DLG2: variants seen among roughly 807,000 people sequenced by gnomAD.
DLG2 encodes discs large MAGUK scaffold protein 2.
In DLG2, 45 loss-of-function variants were observed where a neutral mutation model predicts 132.5. The ratio of observed to expected loss-of-function variants is 0.34; its 90% confidence interval spans 0.27 to 0.44. DLG2 has a LOEUF of 0.44. Among genes scored for constraint, DLG2 ranks in the 20% least tolerant of loss-of-function variants. The pLI is 1.00. For missense variants in DLG2, 1,045 were observed against 1,196.9 expected, an observed-to-expected ratio of 0.87 and a Z score of 1.87; for synonymous variants, 424 against 419.6, an observed-to-expected ratio of 1.01 and a Z score of -0.13.
At chr11:84,506,079 C>CTTTTTTTTTTTTTTTTTT (rs779039240) in intron 7 of DLG2, among the ~76,000 whole-genome samples, 2,689 of 106,652 alleles carry the variant, frequency 0.025, 429 homozygotes, top group African/African-American at 0.044. Flanking sequence ...AGGCTCAGTT[C>CTTTTTTTTTTTTTTTTTT]TTTTTTTTTT....
At chr11:83,491,135 G>GT (rs569211813) in intron 21 of DLG2, among the ~76,000 whole-genome samples, 1 of 144,658 alleles carries the variant, frequency 6.9e-6, no homozygotes, top group African/African-American at 2.6e-5. Context: ...CCTTTTTATA[G>GT]TTTTTTTTCT....
intron 3 of DLG2, among the ~76,000 whole-genome samples, chr11:85,550,299 T>C (rs558943031): frequency 6.6e-6 from 1 of 152,356 alleles, no homozygotes; most frequent in East Asian, 1.9e-4. Context: ...CCATAGTGGA[T>C]GGCAGAGCTA....
At chr11:84,402,727 A>G (rs555326729) in intron 7 of DLG2, among the ~76,000 whole-genome samples, 2 of 151,882 alleles carry the variant, frequency 1.3e-5, no homozygotes, top group Non-Finnish European at 2.9e-5. Context: ...CTAAAAATAC[A>G]AGAAATTAGC....
chr11:84,788,100 C>CAA (rs139086655), intron 6 of DLG2, among the ~76,000 whole-genome samples: 17,108 of 45,832 alleles, frequency 0.37, 3,975 homozygotes, highest in Non-Finnish European at 0.4. Context: ...GAATATGTCT[C>CAA]AAAAAAAAAA....
At chr11:84,517,953 C>T (rs1187839327) in intron 7 of DLG2, among the ~76,000 whole-genome samples, 3 of 151,766 alleles carry the variant, frequency 2.0e-5, no homozygotes. Flanking sequence ...AAAATTTGAT[C>T]TCATAGAAGT....
At chr11:85,200,697 A>G (rs1009533736) in intron 4 of DLG2, among the ~76,000 whole-genome samples, 1 of 152,120 alleles carries the variant, frequency 6.6e-6, no homozygotes, top group Non-Finnish European at 1.5e-5. Flanking sequence ...TCAGGAAACT[A>G]TCTTTGCAGA....
chr11:83,819,642 T>C (rs1307471673), intron 17 of DLG2, among the ~76,000 whole-genome samples: 4 of 152,090 alleles, frequency 2.6e-5, no homozygotes, highest in Admixed American at 1.3e-4. Flanking sequence ...ACCTGAGAGA[T>C]ATAGGCAATA....
At chr11:83,472,624 T>G (rs2092190038) in intron 23 of DLG2, 103 bp downstream of exon 23, 1 of 988,620 alleles carries the variant, frequency 1.0e-6, no homozygotes, top group Non-Finnish European at 1.6e-6. Context: ...AACAGAGCAT[T>G]AAGCCGAGTT....
chr11:84,605,891 C>A (rs2099584722), intron 6 of DLG2, among the ~76,000 whole-genome samples: 1 of 152,116 alleles, frequency 6.6e-6, no homozygotes, highest in African/African-American at 2.4e-5. Flanking sequence ...GAATTTACAA[C>A]CCCATCATTC....
intron 8 of DLG2, among the ~76,000 whole-genome samples, chr11:84,227,913 CAAAAAAAAA>C (rs59917539): frequency 2.7e-5 from 2 of 74,360 alleles, no homozygotes; most frequent in Admixed American, 2.7e-4. Context: ...GACTCCATCT[CAAAAAAAAA>C]AAAAAAAAAA....
chr11:84,982,933 T>C (rs1002546187), intron 6 of DLG2, among the ~76,000 whole-genome samples: 1 of 152,176 alleles, frequency 6.6e-6, no homozygotes, highest in East Asian at 1.9e-4. Flanking sequence ...ACCTCTTCAA[T>C]GAAGAAATCT....
At chr11:85,352,942 C>T (rs1183160979) in intron 3 of DLG2, among the ~76,000 whole-genome samples, 1 of 152,136 alleles carries the variant, frequency 6.6e-6, no homozygotes, top group Admixed American at 6.6e-5. Context: ...GACTTCATGT[C>T]TAAAACACCA....
intron 12 of DLG2, among the ~76,000 whole-genome samples, chr11:83,971,422 G>T (rs2091313800): frequency 1.3e-5 from 2 of 152,204 alleles, no homozygotes; most frequent in African/African-American, 4.8e-5. Flanking sequence ...GGTGCCAGGA[G>T]ACTTGCAAGG....
At chr11:85,112,146 TATA>T (rs1297347408) in intron 5 of DLG2, among the ~76,000 whole-genome samples, 1 of 152,118 alleles carries the variant, frequency 6.6e-6, no homozygotes, top group Non-Finnish European at 1.5e-5. Flanking sequence ...GTTTCCAGAC[TATA>T]AGCTAGTGAT....
intron 3 of DLG2, among the ~76,000 whole-genome samples, chr11:85,460,299 C>A (rs2092564730): frequency 6.6e-6 from 1 of 152,198 alleles, no homozygotes; most frequent in South Asian, 2.1e-4. Flanking sequence ...TCCATGTGTG[C>A]CTGGGCAGCA....
chr11:84,807,532 G>T (rs915846593), intron 6 of DLG2, among the ~76,000 whole-genome samples: 2 of 152,036 alleles, frequency 1.3e-5, no homozygotes, highest in South Asian at 2.1e-4. Context: ...AAATGTAAAT[G>T]ATCTAACTTT....
chr11:83,772,188 G>A lies in DLG2; in HGVS notation c.1825+14502C>T, dbSNP rs576025035. Among the ~76,000 whole-genome samples the A allele has an allele frequency of 3.3e-5, 5 of 152,088 alleles. No homozygotes were observed. In the East Asian group the frequency reaches 5.8e-4, roughly 18 times the overall value. On this transcript the variant is annotated intron_variant, in intron 18 of 27. Transcript: ENST00000376104. ...TTTGGGAGGCTGAGGCAGGCAGATC[G>A]CTTGAGCTCAGGAGTTTGAGGCCAG...
intron 6 of DLG2, among the ~76,000 whole-genome samples, chr11:84,548,007 A>G (rs191622644): frequency 6.6e-6 from 1 of 152,336 alleles, no homozygotes; most frequent in African/African-American, 2.4e-5. Context: ...ATAAAATCAA[A>G]AATTGGTTTA....
rs117559000 is a variant in DLG2 at position 83,960,292 on chromosome 11, T to C, written c.1340+2593A>G. Among the ~76,000 whole-genome samples, 203 of 152,206 alleles carry C rather than the reference T, an allele frequency of 1.3e-3. 1 individual carries two copies. In the East Asian group the frequency reaches 0.035, roughly 26 times the overall value. ...TTTAGCAGTATTTCCTAAGTGTCTCTTGTGGTGTTAGGGAACTCTGCTAGT... is the reference window on the plus strand; with the variant it reads ...TTTAGCAGTATTTCCTAAGTGTCTCCTGTGGTGTTAGGGAACTCTGCTAGT... On this transcript the variant is annotated intron_variant, in intron 14 of 27. Coordinates refer to ENST00000376104, the MANE Select transcript of DLG2 (RefSeq NM_001142699.3).
Sources: allele counts gnomAD v4.1 joint callset (sites outside exome capture counted in the v4.1 genomes callset), GRCh38; gene constraint gnomAD v4.1.1; transcripts MANE v1.5; gene names NCBI Gene and HGNC (gene_info 2026-07-23, HGNC 2026-07-21).